KCNIP4: variants seen among roughly 807,000 people sequenced by gnomAD.
The protein encoded by KCNIP4 is potassium voltage-gated channel interacting protein 4.
A neutral mutation model predicts 34.0 loss-of-function variants in KCNIP4; 12 were observed. The ratio of observed to expected loss-of-function variants is 0.35; its 90% confidence interval spans 0.23 to 0.57. KCNIP4 has a LOEUF of 0.57. Ranked by LOEUF, KCNIP4 falls within the 20% of genes least tolerant of loss-of-function variation. The pLI is 0.83. For missense variants in KCNIP4, 238 were observed against 311.7 expected (o/e 0.76, Z 1.78); for synonymous variants, 124 against 102.2 (o/e 1.21, Z -1.29).
At chr4:20,820,819 G>A (rs1717008859) in intron 3 of KCNIP4, among the ~76,000 whole-genome samples, 1 of 152,180 alleles carries the variant, frequency 6.6e-6, no homozygotes, top group African/African-American at 2.4e-5. Flanking sequence ...CCATTCCAGT[G>A]CAGTGCTCTT....
At chr4:21,567,279 T>C (rs970437213) in intron 1 of KCNIP4, among the ~76,000 whole-genome samples, 1 of 151,994 alleles carries the variant, frequency 6.6e-6, no homozygotes, top group Non-Finnish European at 1.5e-5. Context: ...TATATACACA[T>C]ACCTATATTT....
At chr4:20,768,251 T>C (rs1755587720) in intron 3 of KCNIP4, among the ~76,000 whole-genome samples, 1 of 152,128 alleles carries the variant, frequency 6.6e-6, no homozygotes. Flanking sequence ...AATTAGAAAA[T>C]GAATTTGCTC....
chr4:21,594,492 GAT>G (rs1410743039), intron 1 of KCNIP4, among the ~76,000 whole-genome samples: 1 of 152,096 alleles, frequency 6.6e-6, no homozygotes, highest in Non-Finnish European at 1.5e-5. Flanking sequence ...GTGGGTAGAT[GAT>G]ATAAGATGTA....
At chr4:21,320,871 T>C (rs890454881) in intron 1 of KCNIP4, among the ~76,000 whole-genome samples, 1 of 149,620 alleles carries the variant, frequency 6.7e-6, no homozygotes, top group African/African-American at 2.5e-5. Context: ...CTCTGAAGGC[T>C]GAGGCAGGAA....
chr4:21,107,290 G>T (rs1577703270), intron 1 of KCNIP4, among the ~76,000 whole-genome samples: 1 of 141,062 alleles, frequency 7.1e-6, no homozygotes, highest in East Asian at 2.0e-4. Flanking sequence ...TCCTGTATTG[G>T]GTGCCTCTAT....
intron 1 of KCNIP4, among the ~76,000 whole-genome samples, chr4:21,495,060 A>G (rs1038831261): frequency 1.3e-5 from 2 of 152,168 alleles, no homozygotes; most frequent in African/African-American, 2.4e-5. Context: ...ATATATTTTT[A>G]AAAGCATCAT....
intron 1 of KCNIP4, among the ~76,000 whole-genome samples, chr4:21,298,915 T>A (rs892602707): frequency 3.9e-5 from 6 of 152,158 alleles, no homozygotes; most frequent in African/African-American, 1.4e-4. Flanking sequence ...TTATTAGCCA[T>A]TGCCCTTGAT....
intron 1 of KCNIP4, among the ~76,000 whole-genome samples, chr4:21,772,337 T>C (rs1466394299): frequency 6.6e-6 from 1 of 152,210 alleles, no homozygotes; most frequent in African/African-American, 2.4e-5. Flanking sequence ...GTATTTTAAT[T>C]GAGAATTTTC....
At chr4:21,323,777 G>C (rs1184624470) in intron 1 of KCNIP4, among the ~76,000 whole-genome samples, 1 of 151,842 alleles carries the variant, frequency 6.6e-6, no homozygotes, top group East Asian at 1.9e-4. Flanking sequence ...TCCTAGCAGT[G>C]GAATTTATGG....
Position 21,559,237 on chromosome 4 carries a change from A to G in KCNIP4, c.61+389334T>C, listed in dbSNP as rs546234673. ...CAAATAAATTGGGGAAATAATTATA[A>G]TAATAATTATCACCTCTCTGTCGGG... On this transcript the variant is annotated intron_variant, in intron 1 of 8. Transcript: ENST00000382152. Among the ~76,000 whole-genome samples the G allele has an allele frequency of 3.3e-5, 5 of 152,250 alleles. No homozygotes were observed. In the East Asian group the frequency reaches 7.7e-4, roughly 24 times the overall value.
At chr4:21,736,625 T>G (rs1223874648) in intron 1 of KCNIP4, among the ~76,000 whole-genome samples, 1 of 152,184 alleles carries the variant, frequency 6.6e-6, no homozygotes, top group Non-Finnish European at 1.5e-5. Context: ...AAATACCAAT[T>G]ATTATGTCAC....
intron 1 of KCNIP4, among the ~76,000 whole-genome samples, chr4:21,351,201 A>G (rs35749570): frequency 0.037 from 5,561 of 152,208 alleles, 239 homozygotes; most frequent in East Asian, 0.2. Flanking sequence ...TTTATATGTT[A>G]AAGTTCTAAG....
intron 1 of KCNIP4, among the ~76,000 whole-genome samples, chr4:20,991,887 T>G (rs1191806514): frequency 3.3e-5 from 5 of 152,122 alleles, no homozygotes; most frequent in Admixed American, 1.3e-4. Context: ...GCCATAGATA[T>G]ACCACTTCAT....
intron 3 of KCNIP4, among the ~76,000 whole-genome samples, chr4:20,812,337 G>A (rs1270623299): frequency 2.6e-5 from 4 of 152,114 alleles, no homozygotes; most frequent in Non-Finnish European, 4.4e-5. Context: ...CAGGTGAGGT[G>A]AAGAATTCGG....
At chr4:21,512,993 G>A (rs1734459603) in intron 1 of KCNIP4, among the ~76,000 whole-genome samples, 2 of 152,320 alleles carry the variant, frequency 1.3e-5, no homozygotes, top group South Asian at 4.1e-4. Context: ...GGAAGTGCAT[G>A]TGGCTTGTGT....
chr4:21,931,576 T>C (rs1400597543), intron 1 of KCNIP4, among the ~76,000 whole-genome samples: 6 of 151,974 alleles, frequency 3.9e-5, no homozygotes, highest in Non-Finnish European at 8.8e-5. Context: ...GCTTCATCCA[T>C]GTCCCTACAA....
At chr4:21,824,533 A>G (rs1722557877) in intron 1 of KCNIP4, among the ~76,000 whole-genome samples, 1 of 152,268 alleles carries the variant, frequency 6.6e-6, no homozygotes, top group South Asian at 2.1e-4. Context: ...AAGAGAAGAC[A>G]GCAAGAAAAA....
chr4:20,828,648 C>T (rs1249808552), intron 3 of KCNIP4, among the ~76,000 whole-genome samples: 5 of 152,306 alleles, frequency 3.3e-5, no homozygotes, highest in East Asian at 1.9e-4. Context: ...AAAGCTGAGT[C>T]GCTCACTCAT....
At chr4:21,476,370 T>C (rs1011482231) in intron 1 of KCNIP4, among the ~76,000 whole-genome samples, 3 of 152,186 alleles carry the variant, frequency 2.0e-5, no homozygotes, top group Non-Finnish European at 4.4e-5. Flanking sequence ...AATGTGGAGT[T>C]AGGGCTTTTA....
Sources: gnomAD v4.1 joint callset for allele counts (sites outside exome capture counted in the v4.1 genomes callset) on GRCh38, gnomAD v4.1.1 for gene constraint, MANE v1.5 for transcripts, NCBI Gene and HGNC (gene_info 2026-07-23, HGNC 2026-07-21) for gene names.